The following MLIP variants were observed in gnomAD, a reference collection of about 807,000 sequenced individuals.
MLIP encodes the protein muscular LMNA-interacting protein.
MLIP carries 79 observed loss-of-function variants against 84.8 expected under a neutral mutation model. That is an observed-to-expected ratio of 0.93 (90% CI 0.78 to 1.12). The LOEUF (loss-of-function observed/expected upper bound fraction) is 1.12, where lower values mean the gene tolerates loss of function less well. Among genes scored for constraint, MLIP ranks in the 50% most tolerant of loss-of-function variants. The probability of loss-of-function intolerance (pLI) is 0.00; values close to 1 mark genes in which losing one functional copy is unlikely to be tolerated. For synonymous variants in MLIP, 504 were observed against 463.0 expected (o/e 1.09, Z -1.14); for missense variants, 1,257 against 1,160.6 (o/e 1.08, Z -1.21).
intron 5 of MLIP, among the ~76,000 whole-genome samples, chr6:54,156,085 C>A (rs1490632806): frequency 6.6e-6 from 1 of 152,040 alleles, no homozygotes; most frequent in African/African-American, 2.4e-5. Context: ...AAAGCAATCT[C>A]TGGTCAGAAT....
At chr6:54,087,887 C>T (rs573346730) in intron 1 of MLIP, among the ~76,000 whole-genome samples, 8 of 151,368 alleles carry the variant, frequency 5.3e-5, no homozygotes, top group South Asian at 4.2e-4. Flanking sequence ...TGCCAGGCAG[C>T]GATCAGGCTT....
chr6:54,124,899 A>C (rs771012696), intron 3 of MLIP, 34 bp downstream of exon 3: 1 of 1,523,260 alleles, frequency 6.6e-7, no homozygotes, highest in South Asian at 1.3e-5. Flanking sequence ...CATAAGGAAA[A>C]AAAAAGCGTT....
chr6:54,161,117 G>C (rs531985811), intron 8 of MLIP, among the ~76,000 whole-genome samples: 44 of 151,574 alleles, frequency 2.9e-4, no homozygotes, highest in African/African-American at 1.0e-3. Flanking sequence ...TTTTTACATT[G>C]ATGTTTAGAA....
chr6:54,175,670 A>C (rs1038477242), intron 9 of MLIP, among the ~76,000 whole-genome samples: 2 of 152,034 alleles, frequency 1.3e-5, no homozygotes, highest in African/African-American at 4.8e-5. Flanking sequence ...GTTTTTCCAA[A>C]TATAAGATAA....
intron 13 of MLIP, among the ~76,000 whole-genome samples, chr6:54,264,748 C>A (rs926548024): frequency 6.6e-6 from 1 of 151,950 alleles, no homozygotes; most frequent in Non-Finnish European, 1.5e-5. Flanking sequence ...GAGTCATTTC[C>A]TCCCTTCATT....
chr6:54,168,149 T>C (rs916482580), intron 8 of MLIP, among the ~76,000 whole-genome samples: 2 of 151,954 alleles, frequency 1.3e-5, no homozygotes, highest in African/African-American at 2.4e-5. Context: ...TCCAGTTTTC[T>C]ATCCAACATT....
intron 1 of MLIP, among the ~76,000 whole-genome samples, chr6:54,074,030 A>G (rs1766644960): frequency 6.6e-6 from 1 of 152,274 alleles, no homozygotes; most frequent in South Asian, 2.1e-4. Context: ...TACTTTTTTG[A>G]GATTGATTTA....
At position 54,236,528 on chromosome 6, in the gene MLIP, G is replaced by A. The variant is rs574156053; in HGVS notation, c.2922+5611G>A. Among the ~76,000 whole-genome samples the A allele has an allele frequency of 7.2e-5, 11 of 152,216 alleles. No homozygotes were observed. In the South Asian group the frequency reaches 1.2e-3, roughly 17 times the overall value. On this transcript the variant is annotated intron_variant, in intron 12 of 13. Coordinates refer to ENST00000502396, the MANE Select transcript of MLIP (RefSeq NM_001281747.2). ...GAGGCAGGAGAATTGCTTGAACCCC[G>A]GAGGCGGAGGTTGCAGTGAGCCGAG...
chr6:54,123,666 T>G (rs1454680740), intron 2 of MLIP, among the ~76,000 whole-genome samples: 1 of 152,220 alleles, frequency 6.6e-6, no homozygotes, highest in Non-Finnish European at 1.5e-5. Context: ...TGAAATAATT[T>G]TAGCCTTACA....
At chr6:54,211,284 G>A (rs1046061077) in intron 11 of MLIP, among the ~76,000 whole-genome samples, 1 of 152,132 alleles carries the variant, frequency 6.6e-6, no homozygotes, top group African/African-American at 2.4e-5. Context: ...TATTTTATCT[G>A]CAAAAGGAAA....
chr6:54,236,687 G>A (rs556619075), intron 12 of MLIP, among the ~76,000 whole-genome samples: 11 of 152,194 alleles, frequency 7.2e-5, no homozygotes, highest in African/African-American at 2.6e-4. Context: ...TGGTAATTTT[G>A]CTGTTTAAAA....
chr6:54,248,746 T>C (rs1782254712), intron 12 of MLIP, among the ~76,000 whole-genome samples: 1 of 152,092 alleles, frequency 6.6e-6, no homozygotes, highest in Non-Finnish European at 1.5e-5. Context: ...TTCAGATCTA[T>C]TACAAAGATC....
intron 10 of MLIP, among the ~76,000 whole-genome samples, chr6:54,190,187 T>C (rs912819119): frequency 2.0e-5 from 3 of 152,052 alleles, no homozygotes; most frequent in Admixed American, 6.5e-5. Context: ...AAAGATGCCA[T>C]TAGAATTTAG....
chr6:54,172,416 C>T (rs372379052), intron 9 of MLIP, among the ~76,000 whole-genome samples: 4 of 151,396 alleles, frequency 2.6e-5, no homozygotes, highest in South Asian at 2.1e-4. Context: ...CACTGGGGTG[C>T]GAAGAGTGAA....
At chr6:54,104,813 C>T (rs1768896572) in intron 1 of MLIP, among the ~76,000 whole-genome samples, 1 of 152,098 alleles carries the variant, frequency 6.6e-6, no homozygotes, top group Non-Finnish European at 1.5e-5. Context: ...TTCTGTCACA[C>T]TGTGAGTGGG....
chr6:54,265,970 C>T lies in MLIP; in HGVS notation c.*15C>T, dbSNP rs1467743874. The T allele has an allele frequency of 1.2e-6, 2 of 1,611,480 alleles. No individual in the cohort carries two copies. The highest frequency in any genetic ancestry group is 2.7e-5 in the African/African-American group (2 of 74,734). ...TACAGCAATGAAGTTGGAGCAGAGG[C>T]TGAAAACACAGGCTGCTGAAGTTTT... is the stretch of plus-strand genomic sequence containing the variant. On this transcript the variant is annotated 3_prime_UTR_variant, in exon 14 of 14. Coordinates refer to ENST00000502396, the MANE Select transcript of MLIP (RefSeq NM_001281747.2).
At chr6:54,052,220 A>G (rs1027972153) in intron 1 of MLIP, among the ~76,000 whole-genome samples, 1 of 152,150 alleles carries the variant, frequency 6.6e-6, no homozygotes, top group Admixed American at 6.5e-5. Flanking sequence ...GAAGAAATAT[A>G]TGATCCTCTT....
intron 1 of MLIP, among the ~76,000 whole-genome samples, chr6:54,037,130 C>T (rs1017648580): frequency 2.0e-5 from 3 of 151,874 alleles, no homozygotes; most frequent in South Asian, 2.1e-4. Context: ...ATTTGTATTG[C>T]TTTTTTACAT....
intron 9 of MLIP, among the ~76,000 whole-genome samples, chr6:54,189,296 G>A (rs1203236204): frequency 1.3e-5 from 2 of 152,134 alleles, no homozygotes; most frequent in Non-Finnish European, 2.9e-5. Flanking sequence ...AAAAATGAAA[G>A]AAACTAAATC....
Sources: allele counts gnomAD v4.1 joint callset (sites outside exome capture counted in the v4.1 genomes callset), GRCh38; gene constraint gnomAD v4.1.1; transcripts MANE v1.5; gene names NCBI Gene and HGNC (gene_info 2026-07-23, HGNC 2026-07-21).